The following MALRD1 variants were observed in gnomAD, a reference collection of about 807,000 sequenced individuals.
MALRD1 encodes the protein MAM and LDL receptor class A domain containing 1, also known as MAM and LDL-receptor class A domain-containing protein 1.
MALRD1 carries 247 observed loss-of-function variants against 242.1 expected under a neutral mutation model. That is an observed-to-expected ratio of 1.02 (90% CI 0.92 to 1.13). The LOEUF is 1.13. MALRD1 is among the 50% of genes most tolerant of loss of function. The pLI, the probability that MALRD1 is intolerant of heterozygous loss-of-function variation, is 0.00. For missense variants in MALRD1, 2,989 were observed against 2,533.1 expected (o/e 1.18, Z -3.86); for synonymous variants, 995 against 866.6 (o/e 1.15, Z -2.60).
chr10:19,108,203 T>A (rs1026745852), intron 5 of MALRD1, among the ~76,000 whole-genome samples: 1 of 152,058 alleles, frequency 6.6e-6, no homozygotes. Context: ...TCTTCTTTTT[T>A]TCCCTCCTAA....
intron 26 of MALRD1, among the ~76,000 whole-genome samples, chr10:19,354,678 A>G (rs1001429134): frequency 6.6e-6 from 1 of 152,018 alleles, no homozygotes; most frequent in African/African-American, 2.4e-5. Flanking sequence ...AGTTCCATCC[A>G]TGTTGCAAAT....
At chr10:19,467,211 C>G (rs1291937129) in intron 29 of MALRD1, among the ~76,000 whole-genome samples, 1 of 97,546 alleles carries the variant, frequency 1.0e-5, no homozygotes. Context: ...AAAAATTAGC[C>G]GGGTGTGGTG....
intron 33 of MALRD1, among the ~76,000 whole-genome samples, chr10:19,571,606 T>C (rs1836542475): frequency 6.6e-6 from 1 of 152,182 alleles, no homozygotes; most frequent in Non-Finnish European, 1.5e-5. Flanking sequence ...CAATGAAATA[T>C]AGTTGTTAAA....
intron 28 of MALRD1, among the ~76,000 whole-genome samples, chr10:19,405,994 G>A (rs138629275): frequency 2.0e-5 from 3 of 152,154 alleles, no homozygotes; most frequent in African/African-American, 7.2e-5. Flanking sequence ...TCATGTAGCT[G>A]GAGACAGACT....
chr10:19,240,411 A>G lies in MALRD1; in HGVS notation c.2992-17273A>G, dbSNP rs182651554. Among the ~76,000 whole-genome samples the G allele has an allele frequency of 4.0e-4, 61 of 151,958 alleles. 1 individual carries two copies. In the South Asian group the frequency reaches 0.011, roughly 27 times the overall value. On this transcript the variant is annotated intron_variant, in intron 18 of 39. Transcript: ENST00000454679. The stretch of plus-strand genomic sequence containing the variant: ...GTCTTTAGGGTTCTCACTCTATATA[A>G]GTATATCTAGAAAGAACCTTAAAGA...
intron 28 of MALRD1, among the ~76,000 whole-genome samples, chr10:19,424,380 G>T (rs1407807582): frequency 6.6e-6 from 1 of 152,076 alleles, no homozygotes; most frequent in Non-Finnish European, 1.5e-5. Flanking sequence ...GTCTGGTCTC[G>T]ATCTCCTGAC....
At chr10:19,488,923 A>C in intron 29 of MALRD1, 1 of 376,266 alleles carries the variant, frequency 2.7e-6, no homozygotes, top group Non-Finnish European at 5.3e-6. Flanking sequence ...GGGTTATTAC[A>C]TGGGTTATTA....
chr10:19,237,006 T>G (rs1387191604), intron 18 of MALRD1, among the ~76,000 whole-genome samples: 5 of 152,022 alleles, frequency 3.3e-5, no homozygotes, highest in African/African-American at 1.2e-4. Context: ...TTTTTAAAAA[T>G]TTTCACATTG....
chr10:19,433,026 A>C (rs1023909358), intron 28 of MALRD1, among the ~76,000 whole-genome samples: 2 of 150,960 alleles, frequency 1.3e-5, no homozygotes, highest in Admixed American at 6.7e-5. Flanking sequence ...CAGCTATTCC[A>C]CTTGCAGTTA....
chr10:19,181,783 A>G (rs368873083), intron 14 of MALRD1, among the ~76,000 whole-genome samples: 3 of 152,312 alleles, frequency 2.0e-5, no homozygotes, highest in South Asian at 4.1e-4. Flanking sequence ...AATTTGCCTC[A>G]CTGTAATAAC....
At chr10:19,446,637 A>G (rs369373136) in intron 28 of MALRD1, among the ~76,000 whole-genome samples, 14 of 152,346 alleles carry the variant, frequency 9.2e-5, no homozygotes, top group South Asian at 2.1e-4. Context: ...CAAACACACT[A>G]TAAAATAAAT....
At chr10:19,653,344 GCA>G (rs1442051462) in intron 36 of MALRD1, among the ~76,000 whole-genome samples, 3 of 151,960 alleles carry the variant, frequency 2.0e-5, no homozygotes, top group Non-Finnish European at 4.4e-5. Flanking sequence ...CTACAGACAT[GCA>G]CCACCACACT....
chr10:19,472,672 A>T (rs2131144195), intron 29 of MALRD1, among the ~76,000 whole-genome samples: 1 of 151,898 alleles, frequency 6.6e-6, no homozygotes, highest in Non-Finnish European at 1.5e-5. Flanking sequence ...CTTTTAAGTT[A>T]TCAAAGTTGT....
At chr10:19,157,494 A>G (rs1177959261) in intron 12 of MALRD1, among the ~76,000 whole-genome samples, 1 of 151,882 alleles carries the variant, frequency 6.6e-6, no homozygotes, top group South Asian at 2.1e-4. Flanking sequence ...TGATTCACCC[A>G]CCTTGGCCTC....
intron 26 of MALRD1, among the ~76,000 whole-genome samples, chr10:19,377,306 T>A (rs1218607374): frequency 6.6e-6 from 1 of 152,280 alleles, no homozygotes; most frequent in East Asian, 1.9e-4. Flanking sequence ...TTTTTATATA[T>A]TAAGTAAAAA....
At chr10:19,621,976 A>C (rs1258426520) in intron 36 of MALRD1, among the ~76,000 whole-genome samples, 1 of 151,874 alleles carries the variant, frequency 6.6e-6, no homozygotes, top group South Asian at 2.1e-4. Flanking sequence ...TTATATTTTA[A>C]AAAGAGGCAC....
chr10:19,166,212 G>A (rs902582721), intron 13 of MALRD1, among the ~76,000 whole-genome samples: 9 of 152,188 alleles, frequency 5.9e-5, no homozygotes, highest in African/African-American at 1.4e-4. Flanking sequence ...AAAGTCTGAC[G>A]TGGGCTGTAA....
intron 28 of MALRD1, among the ~76,000 whole-genome samples, chr10:19,450,072 A>G (rs1835233650): frequency 6.6e-6 from 1 of 152,184 alleles, no homozygotes; most frequent in African/African-American, 2.4e-5. Flanking sequence ...TTTTTGGAGC[A>G]GTATTACGAG....
chr10:19,324,560 G>T (rs1350019668), intron 22 of MALRD1, among the ~76,000 whole-genome samples: 1 of 150,364 alleles, frequency 6.7e-6, no homozygotes, highest in Non-Finnish European at 1.5e-5. Context: ...TTCACGAACA[G>T]CACAGACAAC....
Sources: gnomAD v4.1 joint callset for allele counts (sites outside exome capture counted in the v4.1 genomes callset) on GRCh38, gnomAD v4.1.1 for gene constraint, MANE v1.5 for transcripts, NCBI Gene and HGNC (gene_info 2026-07-23, HGNC 2026-07-21) for gene names.